The following TRPC5 variants were observed in gnomAD, a reference collection of about 807,000 sequenced individuals.
The protein encoded by TRPC5 is short transient receptor potential channel 5.
A neutral mutation model predicts 56.5 loss-of-function variants in TRPC5; 9 were observed. The ratio of observed to expected loss-of-function variants is 0.16; its 90% CI spans 0.10 to 0.28. TRPC5 has a LOEUF of 0.28. Among genes scored for constraint, TRPC5 ranks in the 10% least tolerant of loss-of-function variants. The pLI is 1.00. For synonymous variants in TRPC5, 282 were observed against 278.5 expected, an observed-to-expected ratio of 1.01 and a Z score of -0.13; for missense variants, 469 against 748.9, an observed-to-expected ratio of 0.63 and a Z score of 4.36.
chrX:111,805,525 A>G (rs1311928302), intron 7 of TRPC5, among the ~76,000 whole-genome samples: 2 of 111,470 alleles, frequency 1.8e-5, no homozygotes, highest in Non-Finnish European at 3.8e-5. Context: ...CATGAAGAGT[A>G]CTGACATATT....
chrX:111,807,692 T>C (rs1360748133), intron 7 of TRPC5, among the ~76,000 whole-genome samples: 2 of 111,711 alleles, frequency 1.8e-5, no homozygotes, highest in Non-Finnish European at 3.8e-5. Context: ...CAGTCTGGGG[T>C]TGTTTGTGCA....
chrX:111,935,742 T>A (rs1310983110), intron 2 of TRPC5, among the ~76,000 whole-genome samples: 1 of 112,119 alleles, frequency 8.9e-6, no homozygotes, highest in African/African-American at 3.2e-5. Flanking sequence ...TTCCCCAGTG[T>A]ATGTTTTTGG....
chrX:112,005,101 C>A (rs1162219731), intron 1 of TRPC5, among the ~76,000 whole-genome samples: 2 of 110,133 alleles, frequency 1.8e-5, no homozygotes, highest in Non-Finnish European at 3.8e-5. Flanking sequence ...GAATGATTTC[C>A]ATTTCTTTGG....
At chrX:111,812,540 T>C (rs766965360) in intron 7 of TRPC5, among the ~76,000 whole-genome samples, 1 of 112,251 alleles carries the variant, frequency 8.9e-6, no homozygotes, top group South Asian at 3.7e-4. Flanking sequence ...TATCCATTTA[T>C]TTTTTTGATT....
At chrX:111,931,162 C>T (rs889279112) in intron 2 of TRPC5, 3 of 111,449 alleles carry the variant, frequency 2.7e-5, no homozygotes, top group African/African-American at 9.8e-5. Flanking sequence ...AAAAAAAAGT[C>T]TTTGTGTATT....
chrX:111,927,310 A>G (rs919139261), intron 2 of TRPC5, among the ~76,000 whole-genome samples: 108 of 112,084 alleles, frequency 9.6e-4, no homozygotes, highest in African/African-American at 3.2e-3. Flanking sequence ...GGGCAAAATC[A>G]CTTGCATTTT....
chrX:111,938,871 T>G (rs1926684891), intron 2 of TRPC5, among the ~76,000 whole-genome samples: 1 of 112,348 alleles, frequency 8.9e-6, no homozygotes. Context: ...TAATTTGACT[T>G]CTTTGTTTCC....
chrX:111,875,869 C>T (rs1207324253), intron 3 of TRPC5, among the ~76,000 whole-genome samples: 1 of 109,248 alleles, frequency 9.2e-6, no homozygotes, highest in Non-Finnish European at 1.9e-5. Context: ...GGTGTTAGTG[C>T]TATTAAACAA....
intron 9 of TRPC5, 107 bp downstream of exon 9, chrX:111,781,058 T>C (rs1945915903): frequency 1.3e-6 from 1 of 787,230 alleles, no homozygotes; most frequent in Admixed American, 2.2e-5. Context: ...AAGCCTCCTA[T>C]CCCAGTCAAA....
At chrX:111,944,309 A>T (rs917983402) in intron 2 of TRPC5, among the ~76,000 whole-genome samples, 84 of 81,133 alleles carry the variant, frequency 1.0e-3, no homozygotes, top group South Asian at 5.0e-3. Flanking sequence ...TGTGTGAGAG[A>T]GAGAGAGAGA....
At chrX:111,876,854 C>T (rs1923973008) in intron 3 of TRPC5, among the ~76,000 whole-genome samples, 2 of 111,550 alleles carry the variant, frequency 1.8e-5, no homozygotes, top group South Asian at 7.7e-4. Context: ...TTGATTTTCC[C>T]TTTCACTTAG....
chrX:111,855,634 A>G (rs1435526584), intron 3 of TRPC5, among the ~76,000 whole-genome samples: 1 of 112,205 alleles, frequency 8.9e-6, no homozygotes, highest in African/African-American at 3.2e-5. Context: ...CTGTGATGTC[A>G]TTTCCTCCAA....
chrX:112,071,109 C>A (rs938532876), intron 1 of TRPC5, among the ~76,000 whole-genome samples: 8 of 110,202 alleles, frequency 7.3e-5, no homozygotes, highest in Non-Finnish European at 1.3e-4. Flanking sequence ...TGTAACCCCC[C>A]TCTCTACAAT....
chrX:111,868,592 G>A (rs758422153), intron 3 of TRPC5, among the ~76,000 whole-genome samples: 18 of 112,405 alleles, frequency 1.6e-4, no homozygotes, highest in African/African-American at 5.5e-4. Flanking sequence ...AATGAGTTAT[G>A]TTCCCATGTT....
At chrX:111,908,069 T>C (rs1236409222) in intron 3 of TRPC5, among the ~76,000 whole-genome samples, 1 of 112,101 alleles carries the variant, frequency 8.9e-6, no homozygotes, top group Non-Finnish European at 1.9e-5. Context: ...AAGGTGGGAT[T>C]ATTCAGCCTT....
intron 1 of TRPC5, among the ~76,000 whole-genome samples, chrX:112,006,963 A>ACCTATGAG (rs1471116984): frequency 9.0e-6 from 1 of 111,010 alleles, no homozygotes; most frequent in Non-Finnish European, 1.9e-5. Flanking sequence ...AAGTGTGAGT[A>ACCTATGAG]CCTATGAGCC....
intron 1 of TRPC5, among the ~76,000 whole-genome samples, chrX:112,025,820 T>C (rs1360588121): frequency 9.0e-6 from 1 of 111,104 alleles, no homozygotes; most frequent in African/African-American, 3.3e-5. Flanking sequence ...CCCACAGATA[T>C]ACCCCCTTTC....
intron 2 of TRPC5, among the ~76,000 whole-genome samples, chrX:111,949,470 A>C (rs1002698277): frequency 1.8e-5 from 2 of 111,970 alleles, no homozygotes; most frequent in Non-Finnish European, 3.8e-5. Flanking sequence ...CAGAATCCAC[A>C]ATGAAAATCT....
intron 2 of TRPC5, among the ~76,000 whole-genome samples, chrX:111,924,905 G>C: frequency 8.9e-6 from 1 of 111,935 alleles, no homozygotes; most frequent in Non-Finnish European, 1.9e-5. Context: ...AACATTAAAG[G>C]GTCCTTTACT....
Sources: allele counts gnomAD v4.1 joint callset (sites outside exome capture counted in the v4.1 genomes callset), GRCh38; gene constraint gnomAD v4.1.1; transcripts MANE v1.5; gene names NCBI Gene and HGNC (gene_info 2026-07-23, HGNC 2026-07-21).